Variants in ABAT observed in about 807,000 individuals in gnomAD.
ABAT encodes the protein 4-aminobutyrate aminotransferase, mitochondrial.
A neutral mutation model predicts 64.6 loss-of-function variants in ABAT; 45 were observed. The ratio of observed to expected loss-of-function variants is 0.70; its 90% CI spans 0.55 to 0.89. The LOEUF is 0.89. ABAT is among the 40% of genes least tolerant of loss of function. ABAT has a pLI of 0.00. For missense variants in ABAT, 633 were observed against 658.4 expected, an observed-to-expected ratio of 0.96 and a Z score of 0.42; for synonymous variants, 297 against 250.5, an observed-to-expected ratio of 1.19 and a Z score of -1.75.
chr16:8,742,997 C>T (rs1230770427), intron 2 of ABAT, among the ~76,000 whole-genome samples: 1 of 121,276 alleles, frequency 8.2e-6, no homozygotes, highest in Admixed American at 1.0e-4. Context: ...ATAGCGAGAC[C>T]TCATTTCTTT....
At chr16:8,753,698 C>G (rs2059557642) in intron 5 of ABAT, among the ~76,000 whole-genome samples, 2 of 152,142 alleles carry the variant, frequency 1.3e-5, no homozygotes, top group African/African-American at 4.8e-5. Context: ...CCAGAGTGTT[C>G]CTTTCTTGAG....
intron 1 of ABAT, among the ~76,000 whole-genome samples, chr16:8,730,455 C>T (rs1049855745): frequency 8.5e-5 from 13 of 152,180 alleles, no homozygotes; most frequent in African/African-American, 3.1e-4. Context: ...GCTGAGCCCA[C>T]GTGTTTCCCA....
intron 14 of ABAT, among the ~76,000 whole-genome samples, chr16:8,779,126 T>C (rs2060354575): frequency 6.6e-6 from 1 of 152,190 alleles, no homozygotes; most frequent in Non-Finnish European, 1.5e-5. Context: ...TGCTAAAGTC[T>C]CACCACGGCC....
chr16:8,744,984 CTTTGTTT>C (rs771011673), intron 2 of ABAT, among the ~76,000 whole-genome samples: 32 of 151,978 alleles, frequency 2.1e-4, no homozygotes, highest in Non-Finnish European at 4.4e-4. Context: ...GTTGTTTTCC[CTTTGTTT>C]TTTGTTTGTT....
intron 6 of ABAT, among the ~76,000 whole-genome samples, chr16:8,763,036 G>C (rs567754232): frequency 4.0e-4 from 60 of 151,678 alleles, no homozygotes; most frequent in African/African-American, 1.4e-3. Flanking sequence ...TTGAGTCTCG[G>C]AGGTTGAGGC....
At chr16:8,728,434 A>T (rs575565528) in intron 1 of ABAT, among the ~76,000 whole-genome samples, 55 of 152,298 alleles carry the variant, frequency 3.6e-4, no homozygotes, top group African/African-American at 1.3e-3. Context: ...GAATTGTGTG[A>T]CGCCTCAGTG....
chr16:8,699,959 G>C (rs145973718), intron 1 of ABAT, among the ~76,000 whole-genome samples: 6 of 151,744 alleles, frequency 4.0e-5, no homozygotes, highest in African/African-American at 7.3e-5. Context: ...GACTATAGGC[G>C]TGTGCCACCT....
intron 2 of ABAT, among the ~76,000 whole-genome samples, chr16:8,738,000 G>GAAAGAAAGAA (rs2059023038): frequency 8.7e-6 from 1 of 114,788 alleles, no homozygotes; most frequent in Non-Finnish European, 1.8e-5. Context: ...AGGAAAGAAA[G>GAAAGAAAGAA]AAAGAAAGAA....
Position 8,737,939 on chromosome 16 carries a change from G to GGAAAGGAAGAAAGGAA in ABAT, c.70+2132_70+2147dup, listed in dbSNP as rs796469946. 1.2e-4 allele frequency among the ~76,000 whole-genome samples: 3 copies of GGAAAGGAAGAAAGGAA among 25,118 alleles called. 1 individual carries two copies. The highest frequency in any genetic ancestry group is 2.1e-4 in the Non-Finnish European group (3 of 14,122). The allele number at this position is 25,118 out of a possible 152,430, so 16.5% of individuals were successfully genotyped here. On this transcript the variant is annotated intron_variant, in intron 2 of 15. Transcript: ENST00000268251. The stretch of plus-strand genomic sequence containing the variant: ...TGAGATTAAAAAAAAAAAAAAGAAA[G>GGAAAGGAAGAAAGGAA]GAAAGGAAGAAAGGAAGGAAGGAAG...
At chr16:8,690,192 G>A (rs2057548018) in intron 1 of ABAT, among the ~76,000 whole-genome samples, 1 of 152,190 alleles carries the variant, frequency 6.6e-6, no homozygotes, top group African/African-American at 2.4e-5. Flanking sequence ...TCTGGCAGCA[G>A]CAGCATCTGC....
chr16:8,725,964 T>C (rs938463222), intron 1 of ABAT, among the ~76,000 whole-genome samples: 9 of 152,064 alleles, frequency 5.9e-5, no homozygotes, highest in African/African-American at 9.7e-5. Flanking sequence ...CAGCATCTCA[T>C]TGACATGCTG....
At chr16:8,748,582 T>G (rs943939105) in intron 4 of ABAT, among the ~76,000 whole-genome samples, 1 of 152,208 alleles carries the variant, frequency 6.6e-6, no homozygotes, top group Non-Finnish European at 1.5e-5. Context: ...GTCTTCTATT[T>G]CCTTGCTAAT....
chr16:8,688,321 G>T (rs1387705582), intron 1 of ABAT, among the ~76,000 whole-genome samples: 1 of 152,188 alleles, frequency 6.6e-6, no homozygotes, highest in Non-Finnish European at 1.5e-5. Context: ...GGTCACAGAG[G>T]TAGCAAGAAG....
In ABAT at chr16:8,716,280, ATC is replaced by A. The variant is rs574622065; in HGVS notation, c.-41-19417_-41-19416del. ...GGGCAAATCACTTAACCTCTCTGTG[ATC>A]TGTTTCCTTTTTTCTTTTTTTTGCT... On this transcript the variant is annotated intron_variant, in intron 1 of 15. Coordinates refer to ENST00000268251, the MANE Select transcript of ABAT (RefSeq NM_020686.6). Among the ~76,000 whole-genome samples the A allele has an allele frequency of 5.9e-5, 9 of 152,202 alleles. 1 individual carries two copies. The South Asian group carries it at 1.9e-3, about 32-fold the overall frequency.
Position 8,779,501 on chromosome 16 carries a change from G to A in ABAT, c.1292G>A (p.Ser431Asn). Reference sequence around the variant, plus strand: ...CAGGCCCGGTACCCCCAGTTCATCAGCAGGGTGAGAGGACGAGGCACCTTT... The same window carrying A: ...CAGGCCCGGTACCCCCAGTTCATCAACAGGGTGAGAGGACGAGGCACCTTT... ...DLQARYPQFI[S>N]RVRGRGTFCS... Residue 431 changes from serine to asparagine, a missense_variant, in exon 15 of 16, where the codon AGC becomes AAC. Physicochemically the swap from Ser to Asn is conservative, Grantham distance 46. Coordinates refer to ENST00000268251, the MANE Select transcript of ABAT (RefSeq NM_020686.6). 2 of 1,614,168 alleles carry A rather than the reference G, an allele frequency of 1.2e-6. No homozygotes were observed. The highest frequency in any genetic ancestry group is 1.7e-6 in the Non-Finnish European group (2 of 1,180,030).
chr16:8,764,142 T>A lies in ABAT; in HGVS notation c.440T>A (p.Leu147Ter). The A allele has an allele frequency of 6.2e-7, 1 of 1,613,356 alleles. No individual in the cohort carries two copies. The highest frequency in any genetic ancestry group is 8.5e-7 in the Non-Finnish European group (1 of 1,179,952). The change falls in exon 7 of 16, where the codon TTG becomes TAG. Residue 147 changes from leucine to a stop codon, truncating the protein, a stop_gained. Coordinates refer to ENST00000268251, the MANE Select transcript of ABAT (RefSeq NM_020686.6). LOFTEE classifies it high-confidence loss of function. The surrounding 1 kb of genome is among the most constrained non-coding windows in gnomAD (Gnocchi z 4.2). ...TTTGTGGAGAAGCTCCGGCAGTCCT[T>A]GCTCTCGGTGAGTTCTGGAGAAGCA... is the stretch of plus-strand genomic sequence containing the variant. The part of the protein sequence containing the change: ...ENFVEKLRQS[L>*]LSVAPKGMSQ...
Position 8,743,444 on chromosome 16 carries a change from T to TATATATATATATATATATACAC in ABAT, c.71-2556_71-2555insTATATATATATATATATACACA, listed in dbSNP as rs368568293. ...ACAGTTATATATATATATATATATATACACACATTTTATAATATATTATAT... is the reference window on the plus strand; with the variant it reads ...ACAGTTATATATATATATATATATATATATATATATATATATATACACACACACATTTTATAATATATTATAT... On this transcript the variant is annotated intron_variant, in intron 2 of 15. Coordinates refer to ENST00000268251, the MANE Select transcript of ABAT (RefSeq NM_020686.6). 2.2e-3 allele frequency among the ~76,000 whole-genome samples: 258 copies of TATATATATATATATATATACAC among 117,636 alleles called. 6 individuals are homozygous for TATATATATATATATATATACAC. The highest frequency in any genetic ancestry group is 6.3e-3 in the African/African-American group (168 of 26,786). The allele number at this position is 117,636 out of a possible 152,430, so 77.2% of individuals were successfully genotyped here. A position where few individuals can be genotyped will look rare whatever the true frequency, so the allele number is the denominator to read the frequency against.
intron 1 of ABAT, among the ~76,000 whole-genome samples, chr16:8,723,896 A>G (rs977986858): frequency 8.0e-6 from 1 of 124,600 alleles, no homozygotes; most frequent in Non-Finnish European, 1.6e-5. Context: ...GCTGGAGTGC[A>G]GTGGCATGAT....
At chr16:8,773,135 CACACACACACACAT>C (rs1419919117) in intron 12 of ABAT, among the ~76,000 whole-genome samples, 8 of 131,918 alleles carry the variant, frequency 6.1e-5, no homozygotes, top group African/African-American at 1.5e-4. Flanking sequence ...CACACACACA[CACACACACACACAT>C]ATATATATAT....
Sources: gnomAD v4.1 joint callset for allele counts (sites outside exome capture counted in the v4.1 genomes callset) on GRCh38, gnomAD v4.1.1 for gene constraint, Gnocchi (gnomAD v3.1) non-coding constraint, MANE v1.5 for transcripts, NCBI Gene and HGNC (gene_info 2026-07-23, HGNC 2026-07-21) for gene names.